The following PLCE1 variants were observed in gnomAD, a reference collection of about 807,000 sequenced individuals.
PLCE1 encodes 1-phosphatidylinositol 4,5-bisphosphate phosphodiesterase epsilon-1.
A neutral mutation model predicts 242.8 loss-of-function variants in PLCE1; 119 were observed. The ratio of observed to expected loss-of-function variants is 0.49; its 90% confidence interval spans 0.42 to 0.57. PLCE1 has a LOEUF of 0.57. Among genes scored for constraint, PLCE1 ranks in the 20% least tolerant of loss-of-function variants. The probability of loss-of-function intolerance (pLI) is 0.00; values close to 1 mark genes in which losing one functional copy is unlikely to be tolerated. For synonymous variants in PLCE1, 945 were observed against 1,017.4 expected, an observed-to-expected ratio of 0.93 and a Z score of 1.35; for missense variants, 2,441 against 2,788.8, an observed-to-expected ratio of 0.88 and a Z score of 2.81.
intron 18 of PLCE1, among the ~76,000 whole-genome samples, chr10:94,273,183 A>T (rs2051814334): frequency 6.6e-6 from 1 of 152,036 alleles, no homozygotes; most frequent in Non-Finnish European, 1.5e-5. Context: ...CCTGCTCCCT[A>T]CCCCCTCCAA....
chr10:94,144,988 A>G (rs2047071689), intron 3 of PLCE1, among the ~76,000 whole-genome samples: 1 of 152,256 alleles, frequency 6.6e-6, no homozygotes, highest in Non-Finnish European at 1.5e-5. Flanking sequence ...TAAGGGCTGT[A>G]GAAGCAATGG....
intron 4 of PLCE1, among the ~76,000 whole-genome samples, chr10:94,211,956 G>A (rs1190401448): frequency 6.6e-6 from 1 of 151,882 alleles, no homozygotes; most frequent in Non-Finnish European, 1.5e-5. Context: ...GTTAATTAAT[G>A]TTCCTTTGAA....
At chr10:94,067,702 G>A (rs2044237537) in intron 2 of PLCE1, among the ~76,000 whole-genome samples, 1 of 152,214 alleles carries the variant, frequency 6.6e-6, no homozygotes, top group East Asian at 1.9e-4. Flanking sequence ...TTGGCCAGAT[G>A]TGAAATTAGT....
chr10:94,272,634 G>A (rs111784883), intron 18 of PLCE1, among the ~76,000 whole-genome samples: 24 of 152,256 alleles, frequency 1.6e-4, no homozygotes, highest in African/African-American at 4.8e-4. Context: ...ATAAACGTCC[G>A]TGAAATCTTC....
chr10:94,030,029 A>G (rs1400584843), intron 1 of PLCE1, among the ~76,000 whole-genome samples: 1 of 152,194 alleles, frequency 6.6e-6, no homozygotes, highest in Non-Finnish European at 1.5e-5. Flanking sequence ...TCAGCTTTAT[A>G]TGCCTGGAAA....
At chr10:94,131,268 A>T (rs1327539472) in intron 2 of PLCE1, among the ~76,000 whole-genome samples, 2 of 152,170 alleles carry the variant, frequency 1.3e-5, no homozygotes, top group African/African-American at 4.8e-5. Context: ...TGCTTGACAA[A>T]TTCCAAGTCC....
At chr10:94,106,944 C>CTCTCTCTCTCTCTCTCTCT (rs1554855409) in intron 2 of PLCE1, 24 of 126,374 alleles carry the variant, frequency 1.9e-4, no homozygotes, top group Non-Finnish European at 2.8e-4. Flanking sequence ...CTCTCTCTCT[C>CTCTCTCTCTCTCTCTCTCT]CCCCTCCCCT....
At position 94,332,196 on chromosome 10, in the gene PLCE1, C is replaced by G. The variant is rs1228174904; in HGVS notation, c.*4253C>G. The stretch of plus-strand genomic sequence containing the variant: ...CCTACTCTTATACATCTCTTAGATT[C>G]AAAACATACTATGCACAAGCCTGTC... On this transcript the variant is annotated 3_prime_UTR_variant, in exon 33 of 33. Transcript: ENST00000371380. 1 of 152,152 alleles carries G rather than the reference C, an allele frequency of 6.6e-6. No individual in the cohort carries two copies. The highest frequency in any genetic ancestry group is 2.4e-5 in the African/African-American group (1 of 41,424). The allele number at this position is 152,152 out of a possible 1,614,324, so 9.4% of individuals were successfully genotyped here.
intron 10 of PLCE1, 50 bp downstream of exon 10, chr10:94,254,357 G>GA (rs1184462755): frequency 4.9e-6 from 6 of 1,236,668 alleles, no homozygotes; most frequent in African/African-American, 1.5e-5. Context: ...ATTTTTGTGG[G>GA]AAAAAAAGTA....
At chr10:94,201,165 G>A (rs762172062) in intron 4 of PLCE1, among the ~76,000 whole-genome samples, 24 of 152,074 alleles carry the variant, frequency 1.6e-4, no homozygotes, top group Non-Finnish European at 3.2e-4. Context: ...CGGGGACTTG[G>A]GTGCCAGGAT....
intron 2 of PLCE1, among the ~76,000 whole-genome samples, chr10:94,103,304 T>C (rs2045607194): frequency 1.3e-5 from 2 of 152,202 alleles, no homozygotes; most frequent in South Asian, 4.1e-4. Flanking sequence ...GCTTGAACCT[T>C]GGGCCTGACT....
At chr10:94,000,160 C>A (rs961627936) in intron 1 of PLCE1, among the ~76,000 whole-genome samples, 24 of 152,228 alleles carry the variant, frequency 1.6e-4, no homozygotes, top group African/African-American at 4.8e-4. Flanking sequence ...TGAGATTTTG[C>A]GTGAAAGAGG....
At chr10:94,129,971 C>T (rs2046548897) in intron 2 of PLCE1, among the ~76,000 whole-genome samples, 1 of 152,166 alleles carries the variant, frequency 6.6e-6, no homozygotes, top group African/African-American at 2.4e-5. Context: ...TTATTGCTTG[C>T]ATGGTGAGTT....
chr10:94,296,838 C>G (rs2052838964), intron 23 of PLCE1, among the ~76,000 whole-genome samples: 2 of 152,078 alleles, frequency 1.3e-5, no homozygotes, highest in South Asian at 4.1e-4. Context: ...ACATGCCTTC[C>G]TCACTAAGCT....
At chr10:94,228,739 T>C (rs2050036578) in intron 5 of PLCE1, among the ~76,000 whole-genome samples, 1 of 151,966 alleles carries the variant, frequency 6.6e-6, no homozygotes, top group Non-Finnish European at 1.5e-5. Flanking sequence ...ACCCAAATGA[T>C]CATGTCCTTG....
intron 1 of PLCE1, among the ~76,000 whole-genome samples, chr10:94,026,776 A>G (rs1413535823): frequency 1.3e-5 from 2 of 152,220 alleles, no homozygotes; most frequent in Non-Finnish European, 2.9e-5. Flanking sequence ...GATCCCAGAT[A>G]TAGAACTGAA....
intron 2 of PLCE1, among the ~76,000 whole-genome samples, chr10:94,048,812 T>C (rs1167301321): frequency 6.6e-6 from 1 of 151,138 alleles, no homozygotes. Context: ...CTGTCACCCA[T>C]GCTAGAGTGC....
At position 94,324,491 on chromosome 10, in the gene PLCE1, AG is replaced by A; in HGVS notation, c.6646del (p.Glu2216SerfsTer20). 6.2e-7 allele frequency: 1 copy of A among 1,614,214 alleles called. No individual in the cohort carries two copies. Among genetic ancestry groups the A allele is most frequent in the South Asian group, 1.1e-5 (1 of 91,082 alleles). On this transcript the variant is annotated frameshift_variant, in exon 31 of 33. Transcript: ENST00000371380. LOFTEE classifies it high-confidence loss of function. ...TCCTCTCAGCGGGTCCTTCTGGATC[AG>A]GAGTGTGTGTTTCAAGCCCAAAGCA... Reference protein sequence around the residue: ...PKSSQRVLLDQECVFQAQSKW... With the variant: ...PKSSQRVLLDXECVFQAQSKW...
At chr10:94,305,487 T>A (rs1374463500) in intron 25 of PLCE1, among the ~76,000 whole-genome samples, 2 of 152,092 alleles carry the variant, frequency 1.3e-5, no homozygotes, top group Non-Finnish European at 2.9e-5. Context: ...CCTTTAGATC[T>A]TGTCTCTCTC....
Sources: allele counts gnomAD v4.1 joint callset (sites outside exome capture counted in the v4.1 genomes callset), GRCh38; gene constraint gnomAD v4.1.1; transcripts MANE v1.5; gene names NCBI Gene and HGNC (gene_info 2026-07-23, HGNC 2026-07-21).